Variants in ENKUR observed in about 807,000 individuals in gnomAD.
ENKUR encodes the protein enkurin, TRPC channel interacting protein, also known as enkurin.
Under a neutral mutation model 27.6 loss-of-function variants are expected in ENKUR, and 19 were observed. The ratio of observed to expected loss-of-function variants is 0.69; its 90% CI spans 0.48 to 1.01. The LOEUF is 1.01. ENKUR is among the 50% of genes least tolerant of loss of function. The probability of loss-of-function intolerance (pLI) is 0.00; values close to 1 mark genes in which losing one functional copy is unlikely to be tolerated. For missense variants in ENKUR, 312 were observed against 310.5 expected (o/e 1.00, Z -0.04); for synonymous variants, 117 against 96.9 (o/e 1.21, Z -1.22).
At chr10:25,025,686 A>G in intron 2 of ENKUR, 1 of 481,324 alleles carries the variant, frequency 2.1e-6, no homozygotes, top group Non-Finnish European at 3.8e-6. Flanking sequence ...GAGCTATCAT[A>G]CTTTTGCCTT....
chr10:25,030,646 C>G (rs1039125095), intron 2 of ENKUR, among the ~76,000 whole-genome samples: 1 of 152,130 alleles, frequency 6.6e-6, no homozygotes, highest in Non-Finnish European at 1.5e-5. Flanking sequence ...TGCTGGAGCA[C>G]TTTGATGGGC....
upstream of ENKUR, chr10:25,016,234 C>A: frequency 9.4e-7 from 1 of 1,063,256 alleles, no homozygotes; most frequent in Non-Finnish European, 1.2e-6. Flanking sequence ...CCCCTCTTCC[C>A]TCTTTCTGCA....
intron 1 of ENKUR, among the ~76,000 whole-genome samples, chr10:25,000,857 AT>A (rs1254291853): frequency 1.3e-5 from 2 of 151,182 alleles, no homozygotes; most frequent in African/African-American, 4.9e-5. Context: ...CTTGCTTTTC[AT>A]TTTGTTTTGT....
chr10:25,013,467 T>C (rs1313422789), intron 1 of ENKUR, among the ~76,000 whole-genome samples: 3 of 152,322 alleles, frequency 2.0e-5, no homozygotes, highest in Admixed American at 1.3e-4. Flanking sequence ...TGTGAGCCAA[T>C]AGTTGGACAT....
At chr10:25,061,756 C>T (rs73608234) in intron 1 of ENKUR, among the ~76,000 whole-genome samples, 4,172 of 152,296 alleles carry the variant, frequency 0.027, 123 homozygotes, top group African/African-American at 0.074. Context: ...GCACTTCCCA[C>T]CTTCCCCAGA....
chr10:25,046,988 G>T (rs1413472343), intron 2 of ENKUR, among the ~76,000 whole-genome samples: 1 of 152,104 alleles, frequency 6.6e-6, no homozygotes, highest in Non-Finnish European at 1.5e-5. Flanking sequence ...GCTAATTTGT[G>T]GTCTGGGCCA....
rs151034743 is a variant in ENKUR at position 25,053,065 on chromosome 10, A to G, written c.37+8047T>C. 2.7e-3 allele frequency among the ~76,000 whole-genome samples: 397 copies of G among 146,518 alleles called. 1 individual carries two copies. The highest frequency in any genetic ancestry group is 8.0e-3 in the South Asian group (35 of 4,380). ...ATTACAGGCATGAGCCACCACACCC[A>G]TCTTGTCTCTTTAAAAAAAAAAAAA... is the stretch of plus-strand genomic sequence containing the variant. On this transcript the variant is annotated intron_variant, in intron 2 of 5. Transcript: ENST00000615958.
intron 2 of ENKUR, among the ~76,000 whole-genome samples, chr10:25,027,441 G>A (rs1350788747): frequency 1.3e-5 from 2 of 150,768 alleles, no homozygotes; most frequent in African/African-American, 2.4e-5. Context: ...GGAGGCTGAG[G>A]CTGGAGAATC....
At chr10:25,029,943 A>C (rs993154319) in intron 2 of ENKUR, among the ~76,000 whole-genome samples, 3 of 152,240 alleles carry the variant, frequency 2.0e-5, no homozygotes, top group African/African-American at 7.2e-5. Flanking sequence ...CTGTAGTCAC[A>C]TTAGCTGCTT....
chr10:25,040,216 C>G (rs1851047918), intron 2 of ENKUR, among the ~76,000 whole-genome samples: 2 of 152,096 alleles, frequency 1.3e-5, no homozygotes, highest in African/African-American at 4.8e-5. Flanking sequence ...GCGGTCAAAG[C>G]AAGCTGCAAG....
intron 2 of ENKUR, among the ~76,000 whole-genome samples, chr10:25,058,862 T>A (rs1045619533): frequency 6.7e-6 from 1 of 148,722 alleles, no homozygotes; most frequent in Non-Finnish European, 1.5e-5. Context: ...ACACAGGAGG[T>A]AGAGGTTGCA....
upstream of ENKUR, chr10:25,016,192 G>A (rs1850567760): frequency 1.7e-6 from 2 of 1,174,402 alleles, no homozygotes; most frequent in Non-Finnish European, 2.1e-6. Context: ...TAGGCAACGA[G>A]GAAGTGGCAG....
chr10:25,002,276 C>T (rs1850206060), intron 1 of ENKUR, among the ~76,000 whole-genome samples: 1 of 152,140 alleles, frequency 6.6e-6, no homozygotes, highest in South Asian at 2.1e-4. Context: ...CATACATGTG[C>T]TATCAACCAA....
upstream of ENKUR, among the ~76,000 whole-genome samples, chr10:25,017,802 T>C (rs1850637539): frequency 6.6e-6 from 1 of 152,146 alleles, no homozygotes; most frequent in African/African-American, 2.4e-5. Flanking sequence ...CGCCCTTGAG[T>C]ATTTTATGTT....
In ENKUR at chr10:25,047,978, G is replaced by A. The variant is rs60363457; in HGVS notation, c.37+13134C>T. 3.3e-3 allele frequency among the ~76,000 whole-genome samples: 503 copies of A among 152,154 alleles called. 2 individuals are homozygous for A. Among genetic ancestry groups the A allele is most frequent in the African/African-American group, 8.9e-3 (368 of 41,492 alleles). The stretch of plus-strand genomic sequence containing the variant: ...CTGCCTTTTATCTTTGTGGTTCCTC[G>A]TTCCTCACATACAGTTTCTGAAGCA... On this transcript the variant is annotated intron_variant, in intron 2 of 5. Transcript: ENST00000615958.
At position 25,005,984 on chromosome 10, in the gene ENKUR, T is replaced by C. The variant is rs904974740; in HGVS notation, c.78-6438A>G. On this transcript the variant is annotated intron_variant, in intron 1 of 5. Transcript: ENST00000331161. ...TGGCTGGTGCCACATGCGGAAATCA[T>C]AGTATTTTAGATAAATTGCATTAAA... Among the ~76,000 whole-genome samples, 3 of 152,248 alleles carry C rather than the reference T, an allele frequency of 2.0e-5. No individual in the cohort carries two copies. In the East Asian group the frequency reaches 5.8e-4, roughly 29 times the overall value.
intron 1 of ENKUR, among the ~76,000 whole-genome samples, chr10:25,061,980 CTT>C (rs1162824154): frequency 2.0e-5 from 3 of 152,198 alleles, no homozygotes; most frequent in Non-Finnish European, 4.4e-5. Flanking sequence ...GGCTGAGACT[CTT>C]GGGGGTATTT....
At chr10:25,029,972 C>CT (rs1430178927) in intron 2 of ENKUR, among the ~76,000 whole-genome samples, 3 of 152,180 alleles carry the variant, frequency 2.0e-5, no homozygotes, top group African/African-American at 7.2e-5. Context: ...AAAATCAGAA[C>CT]TCTTTGTTTC....
intron 1 of ENKUR, among the ~76,000 whole-genome samples, chr10:25,014,089 A>G (rs1021155932): frequency 6.6e-5 from 10 of 152,226 alleles, no homozygotes; most frequent in African/African-American, 2.2e-4. Flanking sequence ...GTCTCAGCCA[A>G]TAGTTCAACT....
Sources: allele counts gnomAD v4.1 joint callset (sites outside exome capture counted in the v4.1 genomes callset), GRCh38; gene constraint gnomAD v4.1.1; transcripts MANE v1.5; gene names NCBI Gene and HGNC (gene_info 2026-07-23, HGNC 2026-07-21).